The following TBXAS1 variants were observed in gnomAD, a reference collection of about 807,000 sequenced individuals.
The protein encoded by TBXAS1 is thromboxane A synthase 1.
A neutral mutation model predicts 60.7 loss-of-function variants in TBXAS1; 48 were observed. The ratio of observed to expected loss-of-function variants is 0.79; its 90% CI spans 0.63 to 1.01. The LOEUF (loss-of-function observed/expected upper bound fraction) is 1.01, where lower values mean the gene tolerates loss of function less well. TBXAS1 is among the 50% of genes least tolerant of loss of function. The probability of loss-of-function intolerance (pLI) is 0.00; values close to 1 mark genes in which losing one functional copy is unlikely to be tolerated. For synonymous variants in TBXAS1, 287 were observed against 269.7 expected (o/e 1.06, Z -0.63); for missense variants, 685 against 686.3 (o/e 1.00, Z 0.02).
In TBXAS1 at chr7:140,007,501, GTTCA is replaced by G. The variant is rs1364987175; in HGVS notation, c.1226+332_1226+335del. Among the ~76,000 whole-genome samples, 3 of 152,154 alleles carry G rather than the reference GTTCA, an allele frequency of 2.0e-5. No homozygotes were observed. In the East Asian group the frequency reaches 5.8e-4, roughly 29 times the overall value. ...TGTTCGTTCATTCATTCATTCATTC[GTTCA>G]TTCATTCATTCAGCAATTGTTTATT... On this transcript the variant is annotated intron_variant, in intron 10 of 12. Transcript: ENST00000448866.
intron 3 of TBXAS1, among the ~76,000 whole-genome samples, chr7:139,882,169 A>C (rs768306754): frequency 8.5e-5 from 13 of 152,202 alleles, no homozygotes; most frequent in Non-Finnish European, 1.5e-4. Flanking sequence ...GCAGATGGCT[A>C]TGTGAGACTT....
chr7:139,808,072 C>T (rs915918657), intron 4 of TBXAS1, among the ~76,000 whole-genome samples: 9 of 151,988 alleles, frequency 5.9e-5, no homozygotes, highest in Non-Finnish European at 8.8e-5. Context: ...TAGCTTATAC[C>T]TGTAATCCCA....
intron 1 of TBXAS1, among the ~76,000 whole-genome samples, chr7:139,830,913 A>T (rs555891538): frequency 1.1e-3 from 172 of 152,036 alleles, no homozygotes; most frequent in African/African-American, 4.1e-3. Context: ...GTTGTGTCTG[A>T]GCCTCCAGCT....
At chr7:139,873,202 C>T (rs1801953237) in intron 2 of TBXAS1, among the ~76,000 whole-genome samples, 3 of 152,146 alleles carry the variant, frequency 2.0e-5, no homozygotes, top group Non-Finnish European at 4.4e-5. Context: ...AATGACAGCA[C>T]AGGTTGACCA....
chr7:139,904,239 G>A (rs759315480), intron 3 of TBXAS1, among the ~76,000 whole-genome samples: 2 of 151,890 alleles, frequency 1.3e-5, no homozygotes, highest in African/African-American at 2.4e-5. Flanking sequence ...TTGCTTTGTC[G>A]AAGATCAGTT....
chr7:139,891,251 A>C (rs1803588747), intron 3 of TBXAS1, among the ~76,000 whole-genome samples: 1 of 149,618 alleles, frequency 6.7e-6, no homozygotes, highest in Non-Finnish European at 1.5e-5. Flanking sequence ...ATATATATTT[A>C]TTTATTTATA....
chr7:139,863,678 G>T (rs1044300839), intron 1 of TBXAS1, among the ~76,000 whole-genome samples: 4 of 152,056 alleles, frequency 2.6e-5, no homozygotes, highest in African/African-American at 9.7e-5. Context: ...GAAAACATGT[G>T]AACTAAACTA....
At position 139,845,419 on chromosome 7, in the gene TBXAS1, T is replaced by C. The variant is rs1262268880; in HGVS notation, c.89+15940T>C. ...TGCAGTTCAGTGCCAATTTCTTTCC[T>C]TCTACTTGCATGTCCTTCCCCCTTC... On this transcript the variant is annotated intron_variant, in intron 1 of 12. Coordinates refer to ENST00000448866, the MANE Select transcript of TBXAS1 (RefSeq NM_001061.7). Among the ~76,000 whole-genome samples the C allele has an allele frequency of 2.0e-5, 3 of 152,114 alleles. No individual in the cohort carries two copies. The East Asian group carries it at 5.8e-4, about 29-fold the overall frequency.
At chr7:139,987,492 C>T (rs1812582158) in intron 9 of TBXAS1, among the ~76,000 whole-genome samples, 1 of 152,184 alleles carries the variant, frequency 6.6e-6, no homozygotes, top group Non-Finnish European at 1.5e-5. Context: ...TTTGGTTTAA[C>T]TGCATTTTAC....
intron 3 of TBXAS1, among the ~76,000 whole-genome samples, chr7:139,900,674 T>C (rs1569510744): frequency 6.6e-6 from 1 of 152,222 alleles, no homozygotes; most frequent in Non-Finnish European, 1.5e-5. Context: ...TTGGACTCTA[T>C]ATTGTGCTTT....
chr7:139,943,028 T>A (rs919202997), intron 5 of TBXAS1, among the ~76,000 whole-genome samples: 1 of 152,212 alleles, frequency 6.6e-6, no homozygotes, highest in African/African-American at 2.4e-5. Context: ...ACAGTTTAGT[T>A]TGGCCTTTAA....
chr7:139,860,840 A>G (rs1800908246), intron 1 of TBXAS1, among the ~76,000 whole-genome samples: 1 of 152,262 alleles, frequency 6.6e-6, no homozygotes, highest in Non-Finnish European at 1.5e-5. Context: ...TAACAAAAAT[A>G]GAAAATTAAT....
intron 4 of TBXAS1, among the ~76,000 whole-genome samples, chr7:139,791,454 A>T (rs1041600216): frequency 6.6e-6 from 1 of 152,254 alleles, no homozygotes; most frequent in South Asian, 2.1e-4. Flanking sequence ...TTTGCACTCT[A>T]TGGGCCACAA....
intron 4 of TBXAS1, among the ~76,000 whole-genome samples, chr7:139,788,937 C>G (rs1334577892): frequency 6.6e-6 from 1 of 152,132 alleles, no homozygotes; most frequent in Non-Finnish European, 1.5e-5. Flanking sequence ...GAGCAGGAGT[C>G]CAAGTTGGTA....
intron 4 of TBXAS1, among the ~76,000 whole-genome samples, chr7:139,788,200 C>T (rs973195201): frequency 6.6e-6 from 1 of 152,138 alleles, no homozygotes; most frequent in Non-Finnish European, 1.5e-5. Flanking sequence ...TGCCATTTTT[C>T]CCCCTATCCA....
chr7:140,002,459 C>A (rs924727421), intron 9 of TBXAS1, among the ~76,000 whole-genome samples: 1 of 152,384 alleles, frequency 6.6e-6, no homozygotes. Context: ...ATTTAGCATG[C>A]GCTTGTTGCC....
chr7:139,851,274 G>A (rs1437780014), intron 1 of TBXAS1, among the ~76,000 whole-genome samples: 1 of 152,230 alleles, frequency 6.6e-6, no homozygotes, highest in Non-Finnish European at 1.5e-5. Context: ...GGCCTGGACT[G>A]TGGCTGGGCC....
intron 4 of TBXAS1, among the ~76,000 whole-genome samples, chr7:139,808,266 A>G (rs1797928580): frequency 6.6e-6 from 1 of 152,018 alleles, no homozygotes; most frequent in Non-Finnish European, 1.5e-5. Flanking sequence ...TGAGCCTGGG[A>G]GGCAGAGATT....
intron 3 of TBXAS1, among the ~76,000 whole-genome samples, chr7:139,785,779 C>G (rs1029118274): frequency 6.6e-6 from 1 of 151,930 alleles, no homozygotes; most frequent in Admixed American, 6.6e-5. Flanking sequence ...GCCCAAAATC[C>G]CCTTCCCAAT....
Sources: allele counts gnomAD v4.1 joint callset (sites outside exome capture counted in the v4.1 genomes callset), GRCh38; gene constraint gnomAD v4.1.1; transcripts MANE v1.5; gene names NCBI Gene and HGNC (gene_info 2026-07-23, HGNC 2026-07-21).